The following COL8A2 variants were observed in gnomAD, a reference collection of about 807,000 sequenced individuals.
COL8A2 encodes collagen alpha-2(VIII) chain.
In COL8A2, 16 loss-of-function variants were observed where a neutral mutation model predicts 24.0. The observed-to-expected ratio is 0.67, with a 90% CI of 0.45 to 1.01. The LOEUF is 1.01. COL8A2 is among the 50% of genes least tolerant of loss of function. The pLI is 0.00. For missense variants in COL8A2, 818 were observed against 942.4 expected (o/e 0.87, Z 1.73); for synonymous variants, 466 against 424.5 (o/e 1.10, Z -1.20).
At chr1:36,122,556 G>A (rs1276686232) in intron 1 of COL8A2, among the ~76,000 whole-genome samples, 1 of 152,080 alleles carries the variant, frequency 6.6e-6, no homozygotes, top group Admixed American at 6.6e-5. Flanking sequence ...CATCTCCCCT[G>A]CACCTGCCTT....
At chr1:36,118,676 C>T (rs1212753785) in intron 1 of COL8A2, among the ~76,000 whole-genome samples, 3 of 151,634 alleles carry the variant, frequency 2.0e-5, no homozygotes, top group African/African-American at 7.3e-5. Flanking sequence ...AGTCTGCACC[C>T]CCCGCCCCCC....
rs1643620935 is a variant in COL8A2, at chr1:36,098,774, T to G, written c.907A>C (p.Thr303Pro). ...GPSGAKGEPG[T>P]RGPPGLIGPT... ...CCTATCAGCCCAGGGGGGCCCCGGG[T>G]CCCTGGCTCCCCTTTGGCCCCTGAT... is the stretch of plus-strand genomic sequence containing the variant. Residue 303 changes from threonine to proline, a missense_variant, in exon 4 of 4, where the codon ACC becomes CCC. Physicochemically the swap from Thr to Pro is conservative, Grantham distance 38. This residue lies in a region of COL8A2 where 573 missense variants were observed against 616.8 expected (regional missense o/e 0.93). Transcript: ENST00000397799. The G allele has an allele frequency of 6.2e-7, 1 of 1,609,538 alleles. No individual in the cohort carries two copies. Among genetic ancestry groups the G allele is most frequent in the African/African-American group, 1.3e-5 (1 of 74,116 alleles).
rs1402212947 is a variant in COL8A2 at position 36,098,705 on chromosome 1, C to T, written c.976G>A (p.Asp326Asn). Residue 326 changes from aspartate to asparagine, a missense_variant, in exon 4 of 4, where the codon GAC (aspartate) becomes AAC (asparagine). Physicochemically the swap from Asp to Asn is conservative, Grantham distance 23. Coordinates refer to ENST00000397799, the MANE Select transcript of COL8A2 (RefSeq NM_005202.4). Reference protein sequence around the residue: ...GMPGLPGPKGDRGPAGVPGLL... With the variant: ...GMPGLPGPKGNRGPAGVPGLL... ...CCTGGGACCCCAGCTGGGCCCCTGT[C>T]CCCCTTGGGGCCTGGCAGTCCTGGC... 2 of 1,609,676 alleles carry T rather than the reference C, an allele frequency of 1.2e-6. No homozygotes were observed. The highest frequency in any genetic ancestry group is 1.7e-6 in the Non-Finnish European group (2 of 1,178,728).
In COL8A2 at chr1:36,097,199, A is replaced by C. The variant is rs766827819; in HGVS notation, c.*370T>G. On this transcript the variant is annotated 3_prime_UTR_variant, in exon 4 of 4. Transcript: ENST00000397799. ...GGAGGCCGTGCCCCTTTCCTCCAGC[A>C]GGTGCCATCAGGGAGCCAGTGGGAA... 16 of 227,700 alleles carry C rather than the reference A, an allele frequency of 7.0e-5. No homozygotes were observed. The highest frequency in any genetic ancestry group is 1.3e-4 in the Non-Finnish European group (15 of 114,302). 14.1% of individuals were successfully genotyped at this position (227,700 alleles called of 1,614,324 possible). A position where few individuals can be genotyped will look rare whatever the true frequency, so the allele number is the denominator to read the frequency against.
At position 36,097,564 on chromosome 1, in the gene COL8A2, G is replaced by A. The variant is rs149180733; in HGVS notation, c.*5C>T. 2.5e-3 allele frequency: 3,932 copies of A among 1,594,428 alleles called. 6 individuals are homozygous for A. The highest frequency in any genetic ancestry group is 3.1e-3 in the Non-Finnish European group (3,650 of 1,166,254). On this transcript the variant is annotated 3_prime_UTR_variant, in exon 4 of 4. Transcript: ENST00000397799. The stretch of plus-strand genomic sequence containing the variant: ...AGGCCAGGGCAGCAGGACCCCCCCC[G>A]CGGGTTATGTGGGGCAGAGCAAGAA...
intron 1 of COL8A2, among the ~76,000 whole-genome samples, chr1:36,122,956 C>T (rs544244252): frequency 6.6e-6 from 1 of 152,248 alleles, no homozygotes; most frequent in Admixed American, 6.5e-5. Flanking sequence ...CACCTCTGCA[C>T]GAGCTGTGCC....
rs1341651855 is a variant in COL8A2 at position 36,099,421 on chromosome 1, G to A, written c.260C>T (p.Pro87Leu). 6.5e-6 allele frequency: 10 copies of A among 1,550,240 alleles called. No homozygotes were observed. In the Admixed American group the frequency reaches 1.5e-4, roughly 24 times the overall value. ...GEPGPPGKPG[P>L]RGPPGPPGFP... ...GCCAGGGGGGCCAGGGGGACCCCGA[G>A]GCCCGGGCTTCCCAGGGGGGCCGGG... Residue 87 changes from proline to leucine, a missense_variant, in exon 4 of 4, where the codon CCT becomes CTT. Around this residue, in one of 3 missense-constraint regions of COL8A2, gnomAD observed 573 missense variants for 616.8 expected, o/e 0.93. Coordinates refer to ENST00000397799, the MANE Select transcript of COL8A2 (RefSeq NM_005202.4).
At chr1:36,113,011 A>C (rs1243505739) in intron 2 of COL8A2, among the ~76,000 whole-genome samples, 1 of 152,180 alleles carries the variant, frequency 6.6e-6, no homozygotes, top group Non-Finnish European at 1.5e-5. Flanking sequence ...AGGAGGAGGC[A>C]TGCTTTAGAC....
At position 36,098,355 on chromosome 1, in the gene COL8A2, T is replaced by C. The variant is rs910331711; in HGVS notation, c.1326A>G (p.Gly442=). Reference sequence around the variant, plus strand: ...CCAAGTCACCTTTCTGCCCCAGGGCTCCTGCCACCCCTGGTCCTCCAGGGC... The same window carrying C: ...CCAAGTCACCTTTCTGCCCCAGGGCCCCTGCCACCCCTGGTCCTCCAGGGC... ...TGRPGGPGVA[G]ALGQKGDLGL... is the part of the protein sequence containing the mutation. Residue 442 remains glycine, a synonymous_variant, in exon 4 of 4, where the codon GGA becomes GGG. Transcript: ENST00000397799. 2 of 1,551,214 alleles carry C rather than the reference T, an allele frequency of 1.3e-6. No homozygotes were observed. The highest frequency in any genetic ancestry group is 1.9e-5 in the Admixed American group (1 of 51,732).
At chr1:36,100,423 C>T (rs1206490789) in intron 2 of COL8A2, among the ~76,000 whole-genome samples, 165 bp from the exon 3 acceptor site, 1 of 152,190 alleles carries the variant, frequency 6.6e-6, no homozygotes, top group Non-Finnish European at 1.5e-5. Context: ...TTTTCAAAGT[C>T]GCGGGGGTCT....
chr1:36,110,031 G>A (rs1331129929), intron 2 of COL8A2, among the ~76,000 whole-genome samples: 2 of 146,510 alleles, frequency 1.4e-5, no homozygotes, highest in African/African-American at 2.5e-5. Flanking sequence ...CTAGGTTCAC[G>A]CCATTCTCCT....
At chr1:36,121,581 G>A (rs903340087) in intron 1 of COL8A2, among the ~76,000 whole-genome samples, 8 of 150,170 alleles carry the variant, frequency 5.3e-5, no homozygotes, top group East Asian at 2.0e-4. Flanking sequence ...GGTGGTGGAC[G>A]CCTATAATCC....
At chr1:36,124,906 G>A (rs1007458176) in intron 1 of COL8A2, among the ~76,000 whole-genome samples, 151 bp downstream of exon 1, 3 of 152,032 alleles carry the variant, frequency 2.0e-5, no homozygotes, top group Non-Finnish European at 4.4e-5. Flanking sequence ...ATTCTAAGGC[G>A]ACCCCCTGGC....
At chr1:36,110,728 G>A (rs1288389582) in intron 2 of COL8A2, among the ~76,000 whole-genome samples, 1 of 152,054 alleles carries the variant, frequency 6.6e-6, no homozygotes, top group African/African-American at 2.4e-5. Flanking sequence ...CTGACCTCAA[G>A]TGATCCACCT....
chr1:36,121,727 AG>A (rs201569457), intron 1 of COL8A2, among the ~76,000 whole-genome samples: 3 of 150,576 alleles, frequency 2.0e-5, no homozygotes, highest in East Asian at 2.0e-4. Flanking sequence ...TAAAAAAAAA[AG>A]AAAGAAAGAA....
At chr1:36,106,378 G>A (rs921831600) in intron 2 of COL8A2, among the ~76,000 whole-genome samples, 5 of 151,976 alleles carry the variant, frequency 3.3e-5, no homozygotes, top group African/African-American at 7.2e-5. Context: ...GTTCCAGCCC[G>A]TAACCACCAC....
intron 1 of COL8A2, among the ~76,000 whole-genome samples, chr1:36,121,118 C>A (rs981863261): frequency 6.8e-6 from 1 of 147,852 alleles, no homozygotes; most frequent in Non-Finnish European, 1.5e-5. Context: ...AGGCATGGCA[C>A]GGTGGCTCAC....
Position 36,125,133 on chromosome 1 carries a change from C to T in COL8A2, c.-138G>A. 1.2e-6 allele frequency: 1 copy of T among 855,128 alleles called. No homozygotes were observed. Among genetic ancestry groups the T allele is most frequent in the South Asian group, 5.3e-5 (1 of 18,868 alleles). The allele number at this position is 855,128 out of a possible 1,614,324, so 53.0% of individuals were successfully genotyped here. ...CGGCGAGGGCTCCGGGCAGGGGCGT[C>T]CGCGGCTGGGCGGGCGGCGTTGGGG... is the stretch of plus-strand genomic sequence containing the variant. On this transcript the variant is annotated 5_prime_UTR_variant, in exon 1 of 4. Coordinates refer to ENST00000397799, the MANE Select transcript of COL8A2 (RefSeq NM_005202.4). The surrounding 1 kb of genome is among the most constrained non-coding windows in gnomAD (Gnocchi z 4.5).
intron 2 of COL8A2, among the ~76,000 whole-genome samples, chr1:36,105,492 C>T (rs1259220015): frequency 1.3e-5 from 2 of 152,242 alleles, no homozygotes; most frequent in East Asian, 1.9e-4. Context: ...GCACAGGCTG[C>T]CCGCCTCACC....
Sources: gnomAD v4.1 joint callset for allele counts (sites outside exome capture counted in the v4.1 genomes callset) on GRCh38, gnomAD v4.1.1 for gene constraint, gnomAD v4.1.1 regional missense constraint, Gnocchi (gnomAD v3.1) non-coding constraint, MANE v1.5 for transcripts, NCBI Gene and HGNC (gene_info 2026-07-23, HGNC 2026-07-21) for gene names.